The following ADGRL2 variants were observed in gnomAD, a reference collection of about 807,000 sequenced individuals.
ADGRL2 encodes calcium-independent alpha-latrotoxin receptor 2.
Under a neutral mutation model 157.4 loss-of-function variants are expected in ADGRL2, and 44 were observed. The ratio of observed to expected loss-of-function variants is 0.28; its 90% CI spans 0.22 to 0.36. ADGRL2 has a LOEUF of 0.36. Among genes scored for constraint, ADGRL2 ranks in the 10% least tolerant of loss-of-function variants. The pLI is 1.00. For synonymous variants in ADGRL2, 585 were observed against 624.7 expected, an observed-to-expected ratio of 0.94 and a Z score of 0.95; for missense variants, 1,510 against 1,768.9, an observed-to-expected ratio of 0.85 and a Z score of 2.63.
chr1:81,414,368 T>A (rs576619868), intron 1 of ADGRL2: 1 of 152,344 alleles, frequency 6.6e-6, no homozygotes, highest in Admixed American at 6.5e-5. Context: ...AAAGTGAATT[T>A]TTTCCATTCT....
chr1:81,952,849 C>A, intron 9 of ADGRL2, 138 bp from the exon 10 acceptor site: 1 of 657,064 alleles, frequency 1.5e-6, no homozygotes, highest in Non-Finnish European at 2.8e-6. Context: ...GTAGTCAGTG[C>A]AGACTCAGAC....
chr1:81,308,868 A>G (rs1448524953), intron 1 of ADGRL2, among the ~76,000 whole-genome samples: 1 of 152,116 alleles, frequency 6.6e-6, no homozygotes, highest in Non-Finnish European at 1.5e-5. Context: ...CCATTCCTCT[A>G]GTAACTCATT....
chr1:81,834,226 T>C lies in ADGRL2; in HGVS notation c.-100-2659T>C, dbSNP rs948032678. On this transcript the variant is annotated intron_variant, in intron 1 of 23. Transcript: ENST00000686636. The stretch of plus-strand genomic sequence containing the variant: ...GCTCTTTGATGTTCTTGGAAAAAGG[T>C]TTTCTAAAAATCAAAAGAAAGTTAT... Among the ~76,000 whole-genome samples, 12 of 152,282 alleles carry C rather than the reference T, an allele frequency of 7.9e-5. No homozygotes were observed. In the Middle Eastern group the frequency reaches 0.017, roughly 216 times the overall value.
At chr1:81,971,743 G>A (rs1658817783) in intron 16 of ADGRL2, 109 bp from the exon 17 acceptor site, 2 of 591,986 alleles carry the variant, frequency 3.4e-6, no homozygotes, top group African/African-American at 1.9e-5. Flanking sequence ...AATCTTCAAA[G>A]GCAAATGTAA....
chr1:81,568,879 T>G (rs767128808), intron 2 of ADGRL2, among the ~76,000 whole-genome samples: 4 of 152,150 alleles, frequency 2.6e-5, no homozygotes, highest in Non-Finnish European at 5.9e-5. Context: ...TTCTCCATCC[T>G]CTACTGTTAA....
intron 19 of ADGRL2, among the ~76,000 whole-genome samples, chr1:81,982,490 T>G (rs1378952265): frequency 6.6e-6 from 1 of 151,976 alleles, no homozygotes. Flanking sequence ...TGGAGTCAGA[T>G]GAAACTTACA....
At chr1:81,614,786 A>C (rs2081608694) in intron 3 of ADGRL2, among the ~76,000 whole-genome samples, 1 of 151,950 alleles carries the variant, frequency 6.6e-6, no homozygotes, top group South Asian at 2.1e-4. Flanking sequence ...GCACTTTGGG[A>C]AGCGGAGGCA....
At chr1:81,676,917 CTGACCTCG>C (rs1320019071) in intron 3 of ADGRL2, among the ~76,000 whole-genome samples, 3 of 149,696 alleles carry the variant, frequency 2.0e-5, no homozygotes, top group African/African-American at 7.4e-5. Context: ...TCTCGATCTC[CTGACCTCG>C]TGATCTGCCC....
intron 3 of ADGRL2, among the ~76,000 whole-genome samples, chr1:81,670,363 C>T (rs984851927): frequency 1.3e-5 from 2 of 152,160 alleles, no homozygotes; most frequent in Non-Finnish European, 2.9e-5. Context: ...CAATTCTAGA[C>T]TGTATTCTGC....
intron 3 of ADGRL2, among the ~76,000 whole-genome samples, chr1:81,668,274 A>T (rs1041869993): frequency 3.9e-5 from 6 of 151,916 alleles, no homozygotes; most frequent in African/African-American, 1.2e-4. Context: ...AAAACACAAA[A>T]ATTAGTCGGA....
intron 2 of ADGRL2, among the ~76,000 whole-genome samples, chr1:81,498,545 AGAGCCGGAACATCT>A (rs960964113): frequency 6.6e-6 from 1 of 152,226 alleles, no homozygotes; most frequent in African/African-American, 2.4e-5. Context: ...GAATAAGCAA[AGAGCCGGAACATCT>A]GAGTATAATT....
At chr1:81,835,774 C>G (rs906311821) in intron 1 of ADGRL2, among the ~76,000 whole-genome samples, 2 of 151,962 alleles carry the variant, frequency 1.3e-5, no homozygotes, top group Non-Finnish European at 2.9e-5. Flanking sequence ...TAGAGGGATC[C>G]TTAGGGAAGC....
chr1:81,489,729 G>C (rs1041695915), intron 2 of ADGRL2, among the ~76,000 whole-genome samples: 2 of 152,152 alleles, frequency 1.3e-5, no homozygotes, highest in Non-Finnish European at 2.9e-5. Context: ...GTGGCTCATC[G>C]CATACAAGGG....
chr1:81,521,268 G>A (rs2079308251), intron 2 of ADGRL2, among the ~76,000 whole-genome samples: 1 of 152,122 alleles, frequency 6.6e-6, no homozygotes, highest in African/African-American at 2.4e-5. Context: ...ATACTATATA[G>A]TGATGTGGAA....
At chr1:81,457,482 C>G (rs746801531) in intron 2 of ADGRL2, among the ~76,000 whole-genome samples, 3 of 151,990 alleles carry the variant, frequency 2.0e-5, no homozygotes, top group Non-Finnish European at 2.9e-5. Context: ...CTATTCTTTA[C>G]CATTCTCAGA....
intron 1 of ADGRL2, among the ~76,000 whole-genome samples, chr1:81,438,786 C>G (rs1170273923): frequency 6.6e-6 from 1 of 152,090 alleles, no homozygotes; most frequent in Non-Finnish European, 1.5e-5. Context: ...TTGTCATTTT[C>G]CTGCTTAATA....
intron 1 of ADGRL2, among the ~76,000 whole-genome samples, chr1:81,753,773 C>A (rs904600873): frequency 2.0e-5 from 3 of 152,206 alleles, no homozygotes; most frequent in Middle Eastern, 3.4e-3. Context: ...TTTAGTTGAT[C>A]AGTCAAGTAA....
At chr1:81,908,122 T>TCA (rs2094625101) in intron 3 of ADGRL2, among the ~76,000 whole-genome samples, 1 of 152,228 alleles carries the variant, frequency 6.6e-6, no homozygotes, top group Non-Finnish European at 1.5e-5. Context: ...CTATTCAGGT[T>TCA]GTCGCCTAGG....
chr1:81,726,595 A>G (rs1351952341), intron 1 of ADGRL2, among the ~76,000 whole-genome samples: 5 of 152,202 alleles, frequency 3.3e-5, no homozygotes, highest in Non-Finnish European at 7.3e-5. Flanking sequence ...TCGTTCCCCA[A>G]AGAAAAGGTT....
Sources: allele counts gnomAD v4.1 joint callset (sites outside exome capture counted in the v4.1 genomes callset), GRCh38; gene constraint gnomAD v4.1.1; transcripts MANE v1.5; gene names NCBI Gene and HGNC (gene_info 2026-07-23, HGNC 2026-07-21).